The following SHANK2 variants were observed in gnomAD, a reference collection of about 807,000 sequenced individuals.
The protein encoded by SHANK2 is SH3 and multiple ankyrin repeat domains protein 2.
Under a neutral mutation model 133.7 loss-of-function variants are expected in SHANK2, and 43 were observed. The ratio of observed to expected loss-of-function variants is 0.32; its 90% CI spans 0.25 to 0.41. The LOEUF (loss-of-function observed/expected upper bound fraction) is 0.41, where lower values mean the gene tolerates loss of function less well. Among genes scored for constraint, SHANK2 ranks in the 10% least tolerant of loss-of-function variants. SHANK2 has a pLI of 1.00. For missense variants in SHANK2, 1,994 were observed against 2,235.8 expected (o/e 0.89, Z 2.18); for synonymous variants, 1,017 against 952.8 (o/e 1.07, Z -1.24).
At chr11:70,586,095 T>C (rs1312242750) in intron 17 of SHANK2, among the ~76,000 whole-genome samples, 2 of 152,156 alleles carry the variant, frequency 1.3e-5, no homozygotes, top group African/African-American at 2.4e-5. Flanking sequence ...GTGAAGTTTC[T>C]TGGAGAATCG....
chr11:71,078,856 G>A lies in SHANK2; in HGVS notation c.913-3581C>T, dbSNP rs1465806277. Among the ~76,000 whole-genome samples the A allele has an allele frequency of 2.6e-5, 4 of 152,264 alleles. No individual in the cohort carries two copies. In the South Asian group the frequency reaches 6.2e-4, roughly 24 times the overall value. On this transcript the variant is annotated intron_variant, in intron 8 of 25. Transcript: ENST00000601538. Reference sequence around the variant, plus strand: ...CCCGGCCTCTGAGCTGCTGCTTTGGGTACACTGCCTCTGGGGCAGCCCTGC... The same window carrying A: ...CCCGGCCTCTGAGCTGCTGCTTTGGATACACTGCCTCTGGGGCAGCCCTGC...
intron 25 of SHANK2, among the ~76,000 whole-genome samples, chr11:70,475,490 C>T (rs1391373089): frequency 6.6e-6 from 1 of 152,148 alleles, no homozygotes; most frequent in Non-Finnish European, 1.5e-5. Flanking sequence ...TCTTTCTTTA[C>T]CATGGATGTA....
At chr11:70,840,458 C>T (rs1028696349) in intron 11 of SHANK2, among the ~76,000 whole-genome samples, 22 of 152,348 alleles carry the variant, frequency 1.4e-4, no homozygotes, top group African/African-American at 5.0e-4. Flanking sequence ...TGCAAGATCC[C>T]CCCTCTCAGC....
At chr11:70,527,040 C>T (rs2059407820) in intron 17 of SHANK2, among the ~76,000 whole-genome samples, 1 of 152,242 alleles carries the variant, frequency 6.6e-6, no homozygotes, top group Non-Finnish European at 1.5e-5. Flanking sequence ...ACATCCCAGA[C>T]CCTCCTCACA....
chr11:70,761,700 G>A (rs1358301667), intron 14 of SHANK2, among the ~76,000 whole-genome samples: 3 of 152,234 alleles, frequency 2.0e-5, no homozygotes, highest in Non-Finnish European at 2.9e-5. Context: ...AGGTTCTGGG[G>A]GCCTGGGAGC....
rs181766069 is a variant in SHANK2, at chr11:71,092,417, C to G, written c.912+5G>C. 6.4e-7 allele frequency: 1 copy of G among 1,551,176 alleles called. No homozygotes were observed. Among genetic ancestry groups the G allele is most frequent in the East Asian group, 2.4e-5 (1 of 40,906 alleles). The stretch of plus-strand genomic sequence containing the variant: ...ACAACAGAGTGGAGAAGCGGGCCCA[C>G]GTACCTGGTGGATCTCGTGCCAGCC... On this transcript the variant is annotated splice_donor_5th_base_variant and intron_variant, in intron 8 of 25. Coordinates refer to ENST00000601538, the MANE Select transcript of SHANK2 (RefSeq NM_012309.5).
intron 12 of SHANK2, among the ~76,000 whole-genome samples, chr11:70,813,865 C>T (rs1489373379): frequency 6.6e-6 from 1 of 152,180 alleles, no homozygotes; most frequent in African/African-American, 2.4e-5. Flanking sequence ...CTTCACGCTG[C>T]CTCTGTGATT....
At chr11:70,779,340 G>A (rs563489016) in intron 14 of SHANK2, among the ~76,000 whole-genome samples, 12 of 151,782 alleles carry the variant, frequency 7.9e-5, no homozygotes, top group Non-Finnish European at 1.6e-4. Flanking sequence ...AGGACAATGC[G>A]TCCTCATAGC....
intron 17 of SHANK2, among the ~76,000 whole-genome samples, chr11:70,565,617 C>T (rs782470444): frequency 7.9e-5 from 12 of 152,190 alleles, no homozygotes; most frequent in East Asian, 3.9e-4. Flanking sequence ...AGCCTGGAAA[C>T]GCTCAGTGCA....
rs782294681 is a variant in SHANK2, at chr11:70,485,440, C to T, written c.4853G>A (p.Gly1618Asp). ...TTCACTAATAACGTTTGCCTTTGGG[C>T]CTGAGAGAATCGGGCTTTTGATCTC... ...VTEIKSPILS[G>D]PKANVISELN... Residue 1618 changes from glycine (G) to aspartate (D), a missense_variant, in exon 25 of 26, where the codon GGC (glycine) becomes GAC (aspartate). Coordinates refer to ENST00000601538, the MANE Select transcript of SHANK2 (RefSeq NM_012309.5). The surrounding 1 kb of genome is among the most constrained non-coding windows in gnomAD (Gnocchi z 5.8). 6.2e-7 allele frequency: 1 copy of T among 1,613,980 alleles called. No homozygotes were observed. The highest frequency in any genetic ancestry group is 1.1e-5 in the South Asian group (1 of 91,072).
intron 21 of SHANK2, among the ~76,000 whole-genome samples, chr11:70,496,406 G>A (rs1286628865): frequency 2.0e-5 from 3 of 152,106 alleles, no homozygotes; most frequent in Admixed American, 6.5e-5. Flanking sequence ...GCACCGCCTC[G>A]ACTTCTCACA....
Position 70,572,379 on chromosome 11 carries a change from T to C in SHANK2, c.2062-69448A>G, listed in dbSNP as rs571643013. Among the ~76,000 whole-genome samples the C allele has an allele frequency of 2.1e-3, 316 of 152,298 alleles. 1 individual carries two copies. Among genetic ancestry groups the C allele is most frequent in the African/African-American group, 6.9e-3 (288 of 41,568 alleles). On this transcript the variant is annotated intron_variant, in intron 17 of 25. Coordinates refer to ENST00000601538, the MANE Select transcript of SHANK2 (RefSeq NM_012309.5). ...TTTGCCATGTTGGCCAGGCTGGTCTTGAACTCCTGACCTCAAGTGATCCTC... is the reference window on the plus strand; with the variant it reads ...TTTGCCATGTTGGCCAGGCTGGTCTCGAACTCCTGACCTCAAGTGATCCTC...
intron 9 of SHANK2, among the ~76,000 whole-genome samples, chr11:71,069,198 CCAT>C (rs1951109543): frequency 6.6e-6 from 1 of 152,042 alleles, no homozygotes; most frequent in Non-Finnish European, 1.5e-5. Flanking sequence ...CTATCAACCA[CCAT>C]CATCACCATC....
At chr11:71,193,858 G>A (rs1001087664) in intron 2 of SHANK2, among the ~76,000 whole-genome samples, 1 of 152,200 alleles carries the variant, frequency 6.6e-6, no homozygotes, top group Non-Finnish European at 1.5e-5. Flanking sequence ...CTATACAGCT[G>A]TCGTCTTCTA....
chr11:70,951,515 T>TGC (rs1950841462), intron 10 of SHANK2, among the ~76,000 whole-genome samples: 1 of 151,670 alleles, frequency 6.6e-6, no homozygotes, highest in African/African-American at 2.4e-5. Context: ...CCCTGGCTGC[T>TGC]GTGCTGTGAT....
intron 15 of SHANK2, among the ~76,000 whole-genome samples, chr11:70,664,504 G>T (rs1176145030): frequency 1.3e-5 from 2 of 152,158 alleles, no homozygotes; most frequent in Non-Finnish European, 2.9e-5. Flanking sequence ...CGAACCCTGG[G>T]GTCTGGAGCT....
chr11:71,217,414 G>A (rs1954436071), intron 2 of SHANK2, among the ~76,000 whole-genome samples: 1 of 151,750 alleles, frequency 6.6e-6, no homozygotes, highest in Admixed American at 6.6e-5. Context: ...CTGAGGCTGA[G>A]AATCACATGA....
intron 17 of SHANK2, among the ~76,000 whole-genome samples, chr11:70,649,083 C>A (rs1209471601): frequency 6.6e-6 from 1 of 152,124 alleles, no homozygotes; most frequent in Non-Finnish European, 1.5e-5. Flanking sequence ...CCAATGGCGA[C>A]GTTCATCTCC....
chr11:71,248,182 G>A (rs757009492), intron 1 of SHANK2, among the ~76,000 whole-genome samples: 4 of 152,198 alleles, frequency 2.6e-5, no homozygotes, highest in African/African-American at 9.6e-5. Flanking sequence ...CATCAGAGGC[G>A]ACTGTACCCC....
Sources: gnomAD v4.1 joint callset for allele counts (sites outside exome capture counted in the v4.1 genomes callset) on GRCh38, gnomAD v4.1.1 for gene constraint, Gnocchi (gnomAD v3.1) non-coding constraint, MANE v1.5 for transcripts, NCBI Gene and HGNC (gene_info 2026-07-23, HGNC 2026-07-21) for gene names.